The following CSMD2 variants were observed in gnomAD, a reference collection of about 807,000 sequenced individuals.
The protein encoded by CSMD2 is CUB and Sushi multiple domains 2, also known as CUB and sushi domain-containing protein 2.
A neutral mutation model predicts 398.5 loss-of-function variants in CSMD2; 130 were observed. That is an observed-to-expected ratio of 0.33 (90% CI 0.28 to 0.38). The LOEUF is 0.38. CSMD2 is among the 10% of genes least tolerant of loss of function. The pLI is 1.00. For missense variants in CSMD2, 3,829 were observed against 4,764.9 expected (o/e 0.80, Z 5.78); for synonymous variants, 1,828 against 1,908.5 (o/e 0.96, Z 1.10).
intron 5 of CSMD2, among the ~76,000 whole-genome samples, chr1:33,898,611 C>A (rs1424415995): frequency 6.6e-6 from 1 of 152,124 alleles, no homozygotes; most frequent in Non-Finnish European, 1.5e-5. Flanking sequence ...GGCTAGGAGT[C>A]GCCAGAGACT....
chr1:33,724,427 G>A lies in CSMD2; in HGVS notation c.2884+89C>T, dbSNP rs1646459175. 3.9e-6 allele frequency: 6 copies of A among 1,537,386 alleles called. No homozygotes were observed. In the South Asian group the frequency reaches 4.7e-5, roughly 12 times the overall value. ...CGAAAGCCCAACCTTCGCTGATGGGGTGAGGGAGTCAGTGGTCTTTTGAGC... is the reference window on the plus strand; with the variant it reads ...CGAAAGCCCAACCTTCGCTGATGGGATGAGGGAGTCAGTGGTCTTTTGAGC... On this transcript the variant is annotated intron_variant, in intron 18 of 70. Transcript: ENST00000373381.
intron 3 of CSMD2, among the ~76,000 whole-genome samples, chr1:34,017,803 C>T (rs1648336389): frequency 1.3e-5 from 2 of 152,264 alleles, no homozygotes; most frequent in South Asian, 4.1e-4. Context: ...ACATGAATTT[C>T]CTTCTTCTGA....
At chr1:33,922,804 T>C (rs913469352) in intron 4 of CSMD2, among the ~76,000 whole-genome samples, 1 of 152,120 alleles carries the variant, frequency 6.6e-6, no homozygotes, top group African/African-American at 2.4e-5. Context: ...ATCACTGCCA[T>C]TGCTGTACCC....
chr1:33,624,680 C>A lies in CSMD2; in HGVS notation c.5501-37G>T. The stretch of plus-strand genomic sequence containing the variant: ...GGCCATCGGGTCAGAGGCTTTGTGG[C>A]CTCCCGTGGGAGCCTTCCCAAGCTG... On this transcript the variant is annotated intron_variant, in intron 34 of 70. Coordinates refer to ENST00000373381, the MANE Select transcript of CSMD2 (RefSeq NM_001281956.2). The surrounding 1 kb of genome is among the most constrained non-coding windows in gnomAD (Gnocchi z 4.7). 6.3e-7 allele frequency: 1 copy of A among 1,593,956 alleles called. No homozygotes were observed. The highest frequency in any genetic ancestry group is 1.1e-5 in the South Asian group (1 of 90,036).
intron 3 of CSMD2, among the ~76,000 whole-genome samples, chr1:34,029,810 C>A (rs1057507104): frequency 6.6e-6 from 1 of 152,226 alleles, no homozygotes; most frequent in Non-Finnish European, 1.5e-5. Context: ...AGGGGCCTTG[C>A]CTACAAGGCT....
At chr1:33,642,728 C>A (rs1253044214) in intron 29 of CSMD2, among the ~76,000 whole-genome samples, 1 of 152,190 alleles carries the variant, frequency 6.6e-6, no homozygotes, top group Non-Finnish European at 1.5e-5. Context: ...TTCTCATAAT[C>A]ATGTCTCCTT....
intron 2 of CSMD2, among the ~76,000 whole-genome samples, chr1:34,076,928 A>ATATAT (rs1553305736): frequency 1.9e-5 from 1 of 53,600 alleles, no homozygotes; most frequent in African/African-American, 8.6e-5. Flanking sequence ...AAAAAAAAAA[A>ATATAT]ATATATATAT....
intron 13 of CSMD2, among the ~76,000 whole-genome samples, chr1:33,744,939 CAA>C (rs1647224439): frequency 6.6e-6 from 1 of 152,142 alleles, no homozygotes; most frequent in Non-Finnish European, 1.5e-5. Flanking sequence ...CAGAACTACT[CAA>C]AGACTGACTC....
chr1:34,135,603 C>T (rs1771388), intron 1 of CSMD2, among the ~76,000 whole-genome samples: 93,999 of 124,148 alleles, frequency 0.76, 35,074 homozygotes, highest in Admixed American at 0.84. Context: ...GGCAACAAAG[C>T]AAGACTCCAT....
At chr1:33,817,503 T>C (rs765444502) in intron 9 of CSMD2, among the ~76,000 whole-genome samples, 2 of 152,118 alleles carry the variant, frequency 1.3e-5, no homozygotes, top group Non-Finnish European at 2.9e-5. Context: ...GTGATCTAGA[T>C]CAAAGTCCAT....
Position 33,519,618 on chromosome 1 carries a change from G to T in CSMD2, c.10796C>A (p.Ala3599Asp). ...YAGHENTNVRATFENPMYDRN... is the reference protein window; with the variant it reads ...YAGHENTNVRDTFENPMYDRN... The stretch of plus-strand genomic sequence containing the variant: ...GTCGTACATTGGGTTCTCAAATGTG[G>T]CCCGAACATTGGTGTTCTCGTGGCC... Residue 3599 changes from alanine (A) to aspartate (D), a missense_variant, in exon 70 of 71, where the codon GCC (alanine) becomes GAC (aspartate). Coordinates refer to ENST00000373381, the MANE Select transcript of CSMD2 (RefSeq NM_001281956.2). The surrounding 1 kb of genome is among the most constrained non-coding windows in gnomAD (Gnocchi z 5.6). 1.2e-6 allele frequency: 2 copies of T among 1,614,062 alleles called. No homozygotes were observed. The highest frequency in any genetic ancestry group is 1.7e-6 in the Non-Finnish European group (2 of 1,179,984).
intron 26 of CSMD2, among the ~76,000 whole-genome samples, chr1:33,658,599 C>T (rs1557686862): frequency 1.3e-5 from 2 of 150,566 alleles, no homozygotes; most frequent in Non-Finnish European, 2.9e-5. Flanking sequence ...TGGTGGCTCA[C>T]GCCTATAATT....
chr1:34,158,195 C>G (rs779752847), intron 1 of CSMD2, among the ~76,000 whole-genome samples: 12 of 152,186 alleles, frequency 7.9e-5, no homozygotes, highest in Admixed American at 7.2e-4. Flanking sequence ...GAAACTCCCA[C>G]GTTGCATAGC....
intron 1 of CSMD2, among the ~76,000 whole-genome samples, chr1:34,154,962 G>A (rs1340828107): frequency 2.6e-5 from 4 of 152,128 alleles, no homozygotes; most frequent in Admixed American, 2.0e-4. Flanking sequence ...TCCTGACCTC[G>A]TGATCTGCCT....
intron 5 of CSMD2, among the ~76,000 whole-genome samples, chr1:33,852,939 C>A (rs963215439): frequency 6.6e-6 from 1 of 152,048 alleles, no homozygotes; most frequent in African/African-American, 2.4e-5. Context: ...CTTGCAAAGC[C>A]CAAAATATTT....
At chr1:33,741,106 C>A (rs1006982591) in intron 14 of CSMD2, among the ~76,000 whole-genome samples, 1 of 152,082 alleles carries the variant, frequency 6.6e-6, no homozygotes, top group Non-Finnish European at 1.5e-5. Context: ...TCATTATGTT[C>A]CATGTGGAAG....
At chr1:33,878,440 T>C (rs1558043123) in intron 5 of CSMD2, 1 of 152,270 alleles carries the variant, frequency 6.6e-6, no homozygotes, top group Non-Finnish European at 1.5e-5. Context: ...CTGCCAGGTG[T>C]TGGGTGCAGC....
intron 6 of CSMD2, among the ~76,000 whole-genome samples, chr1:33,831,250 G>C (rs1659516502): frequency 6.6e-6 from 1 of 152,066 alleles, no homozygotes; most frequent in South Asian, 2.1e-4. Flanking sequence ...AATGTTAAGG[G>C]CAGCCAGAGA....
intron 5 of CSMD2, among the ~76,000 whole-genome samples, chr1:33,859,952 T>C (rs1639368116): frequency 6.6e-6 from 1 of 152,054 alleles, no homozygotes; most frequent in African/African-American, 2.4e-5. Flanking sequence ...ACTGGAAAGA[T>C]TTTTCTTTAA....
Sources: allele counts gnomAD v4.1 joint callset (sites outside exome capture counted in the v4.1 genomes callset), GRCh38; gene constraint gnomAD v4.1.1; non-coding constraint Gnocchi (gnomAD v3.1); transcripts MANE v1.5; gene names NCBI Gene and HGNC (gene_info 2026-07-23, HGNC 2026-07-21).